The following CDH18 variants were observed in gnomAD, a reference collection of about 807,000 sequenced individuals.
CDH18 encodes cadherin 18, also known as cadherin-18.
Under a neutral mutation model 67.9 loss-of-function variants are expected in CDH18, and 31 were observed. The observed-to-expected ratio is 0.46, with a 90% CI of 0.34 to 0.62. The LOEUF is 0.62. CDH18 is among the 20% of genes least tolerant of loss of function. The pLI is 0.01. For synonymous variants in CDH18, 362 were observed against 347.2 expected, an observed-to-expected ratio of 1.04 and a Z score of -0.48; for missense variants, 890 against 975.5, an observed-to-expected ratio of 0.91 and a Z score of 1.17.
intron 1 of CDH18, among the ~76,000 whole-genome samples, chr5:20,293,821 C>A (rs929103977): frequency 3.9e-5 from 6 of 152,002 alleles, no homozygotes; most frequent in African/African-American, 1.4e-4. Flanking sequence ...ATATGAAGCT[C>A]AACATGTAAA....
At chr5:20,514,640 A>G (rs546386106) in intron 1 of CDH18, among the ~76,000 whole-genome samples, 44 of 152,086 alleles carry the variant, frequency 2.9e-4, no homozygotes, top group African/African-American at 8.9e-4. Flanking sequence ...GTCTGTCCCT[A>G]TGAGTGTTTT....
At chr5:19,710,217 G>A (rs1225910904) in intron 5 of CDH18, among the ~76,000 whole-genome samples, 1 of 152,092 alleles carries the variant, frequency 6.6e-6, no homozygotes, top group Non-Finnish European at 1.5e-5. Flanking sequence ...ATATATGGAA[G>A]ATGGGAATAT....
At chr5:20,187,654 C>T (rs1738207738) in intron 2 of CDH18, among the ~76,000 whole-genome samples, 1 of 151,644 alleles carries the variant, frequency 6.6e-6, no homozygotes, top group Non-Finnish European at 1.5e-5. Flanking sequence ...AGCTATTCTC[C>T]AAAAATGTTA....
chr5:20,017,962 A>G (rs768602446), intron 2 of CDH18, among the ~76,000 whole-genome samples: 1 of 152,194 alleles, frequency 6.6e-6, no homozygotes, highest in Non-Finnish European at 1.5e-5. Flanking sequence ...TGACATAAGG[A>G]TTCATTTAAA....
intron 2 of CDH18, among the ~76,000 whole-genome samples, chr5:19,937,256 T>C (rs1794374307): frequency 6.6e-6 from 1 of 151,370 alleles, no homozygotes. Context: ...CTCATTCATT[T>C]GATTAGGCAA....
At chr5:20,498,528 G>A (rs1754047053) in intron 1 of CDH18, among the ~76,000 whole-genome samples, 2 of 152,004 alleles carry the variant, frequency 1.3e-5, no homozygotes, top group South Asian at 2.1e-4. Flanking sequence ...ACTTAAAAAA[G>A]TGAGAGTTAT....
At chr5:20,232,543 C>A (rs1012635819) in intron 2 of CDH18, among the ~76,000 whole-genome samples, 5 of 152,020 alleles carry the variant, frequency 3.3e-5, no homozygotes, top group Admixed American at 6.5e-5. Context: ...TCAAATATTT[C>A]TTCCCCCTTT....
chr5:19,968,660 A>G (rs916957580), intron 2 of CDH18, among the ~76,000 whole-genome samples: 5 of 145,654 alleles, frequency 3.4e-5, no homozygotes, highest in Non-Finnish European at 7.4e-5. Context: ...CTGAAACTGG[A>G]TCCCTTCCTT....
intron 2 of CDH18, among the ~76,000 whole-genome samples, chr5:19,961,359 G>A (rs147997809): frequency 1.4e-4 from 21 of 151,856 alleles, no homozygotes; most frequent in Admixed American, 3.9e-4. Flanking sequence ...CACCCGCCTC[G>A]GCCTCCCAAA....
intron 5 of CDH18, among the ~76,000 whole-genome samples, chr5:19,711,309 T>C (rs1015512306): frequency 2.0e-5 from 3 of 151,844 alleles, no homozygotes; most frequent in Admixed American, 2.0e-4. Flanking sequence ...TGAACAACTT[T>C]CAGAATGGGA....
At chr5:19,887,792 G>A (rs1009967464) in intron 2 of CDH18, among the ~76,000 whole-genome samples, 18 of 150,392 alleles carry the variant, frequency 1.2e-4, no homozygotes, top group African/African-American at 2.0e-4. Context: ...GACTAGTCTT[G>A]AACTCCTGGA....
chr5:20,085,642 T>C (rs879110083), intron 2 of CDH18, among the ~76,000 whole-genome samples: 1 of 152,228 alleles, frequency 6.6e-6, no homozygotes, highest in Non-Finnish European at 1.5e-5. Context: ...TCCACATGGC[T>C]GGGGAAGCCT....
intron 1 of CDH18, among the ~76,000 whole-genome samples, chr5:20,482,416 C>T (rs529207486): frequency 1.3e-5 from 2 of 152,020 alleles, no homozygotes; most frequent in Non-Finnish European, 2.9e-5. Flanking sequence ...GAAGAGATTA[C>T]TTCCAAACTC....
At chr5:19,645,788 C>T (rs1754650794) in intron 5 of CDH18, among the ~76,000 whole-genome samples, 1 of 152,022 alleles carries the variant, frequency 6.6e-6, no homozygotes, top group Admixed American at 6.6e-5. Context: ...AGCCATAATG[C>T]CAACGCTATC....
Position 19,898,306 on chromosome 5 carries a change from C to T in CDH18, c.-256-59064G>A, listed in dbSNP as rs577380817. On this transcript the variant is annotated intron_variant, in intron 2 of 12. Coordinates refer to ENST00000382275, the MANE Select transcript of CDH18 (RefSeq NM_004934.5). ...GTAGGTCATACAAAATTGGTGGTCACATGATTTTCCTATTTTACATGTAGT... is the reference window on the plus strand; with the variant it reads ...GTAGGTCATACAAAATTGGTGGTCATATGATTTTCCTATTTTACATGTAGT... Among the ~76,000 whole-genome samples the T allele has an allele frequency of 6.6e-5, 10 of 151,706 alleles. No homozygotes were observed. In the South Asian group the frequency reaches 1.0e-3, roughly 16 times the overall value.
intron 2 of CDH18, among the ~76,000 whole-genome samples, chr5:19,877,675 G>A (rs1391046941): frequency 1.3e-5 from 2 of 152,038 alleles, no homozygotes. Flanking sequence ...TTGGAAGTAG[G>A]GCCTAAAACA....
chr5:19,621,216 G>GTTTTT (rs3062881), intron 5 of CDH18, among the ~76,000 whole-genome samples: 2 of 140,418 alleles, frequency 1.4e-5, no homozygotes, highest in Middle Eastern at 3.4e-3. Context: ...AAGAACCCAG[G>GTTTTT]TTTTTTTTTT....
At chr5:19,954,758 T>G (rs1796093319) in intron 2 of CDH18, among the ~76,000 whole-genome samples, 3 of 151,708 alleles carry the variant, frequency 2.0e-5, no homozygotes, top group African/African-American at 7.3e-5. Flanking sequence ...ACACACACAC[T>G]AACTCACACA....
intron 2 of CDH18, among the ~76,000 whole-genome samples, chr5:20,242,611 A>ATATATACATATATATATGTGT (rs1334205442): frequency 5.1e-5 from 2 of 39,484 alleles, no homozygotes; most frequent in African/African-American, 2.2e-4. Flanking sequence ...AAAAAAAAAA[A>ATATATACATATATATATGTGT]ATATATATAT....
Sources: gnomAD v4.1 joint callset for allele counts (sites outside exome capture counted in the v4.1 genomes callset) on GRCh38, gnomAD v4.1.1 for gene constraint, MANE v1.5 for transcripts, NCBI Gene and HGNC (gene_info 2026-07-23, HGNC 2026-07-21) for gene names.